Variants in FAM193A observed in about 807,000 individuals in gnomAD.
FAM193A encodes the protein family with sequence similarity 193 member A, also known as protein FAM193A.
FAM193A carries 22 observed loss-of-function variants against 126.5 expected under a neutral mutation model. The ratio of observed to expected loss-of-function variants is 0.17; its 90% CI spans 0.12 to 0.25. The LOEUF is 0.25. FAM193A is among the 10% of genes least tolerant of loss of function. The pLI, the probability that FAM193A is intolerant of heterozygous loss-of-function variation, is 1.00. For synonymous variants in FAM193A, 761 were observed against 646.8 expected (o/e 1.18, Z -2.68); for missense variants, 1,675 against 1,672.8 (o/e 1.00, Z -0.02).
At chr4:2,640,645 A>C (rs980394761) in intron 6 of FAM193A, among the ~76,000 whole-genome samples, 1 of 152,182 alleles carries the variant, frequency 6.6e-6, no homozygotes, top group African/African-American at 2.4e-5. Flanking sequence ...ACCCATCGTG[A>C]CAGCAGCCAT....
intron 19 of FAM193A, among the ~76,000 whole-genome samples, chr4:2,711,143 C>T (rs538228918): frequency 1.9e-4 from 29 of 152,238 alleles, no homozygotes; most frequent in Non-Finnish European, 3.5e-4. Flanking sequence ...TGAGCCACCA[C>T]GCCCGGCCAC....
chr4:2,574,296 C>T (rs114233240), intron 1 of FAM193A, among the ~76,000 whole-genome samples: 4,316 of 152,142 alleles, frequency 0.028, 225 homozygotes, highest in African/African-American at 0.098. Context: ...CAGGTAGAGA[C>T]TGAGAGGGCC....
At chr4:2,583,349 T>G (rs1281826754) in intron 1 of FAM193A, among the ~76,000 whole-genome samples, 1 of 152,212 alleles carries the variant, frequency 6.6e-6, no homozygotes, top group Admixed American at 6.5e-5. Flanking sequence ...GCCTTTTCCC[T>G]GGCTATAATT....
Position 2,699,719 on chromosome 4 carries a change from C to T in FAM193A, c.3547C>T (p.Arg1183Trp). Reference sequence around the variant, plus strand: ...TCGCCTAGAAGCAGAGGCCAGGGCCCGGGAGCACCTGCACCTCCAGGAGGA... The same window carrying T: ...TCGCCTAGAAGCAGAGGCCAGGGCCTGGGAGCACCTGCACCTCCAGGAGGA... Reference protein sequence around the residue: ...KARLEAEARAREHLHLQEEQR... With the variant: ...KARLEAEARAWEHLHLQEEQR... The change falls in exon 19 of 21, where the codon CGG (arginine) becomes TGG (tryptophan). Residue 1183 changes from arginine to tryptophan, a missense_variant. Coordinates refer to ENST00000637812, the MANE Select transcript of FAM193A (RefSeq NM_001366318.2). The T allele has an allele frequency of 4.3e-6, 7 of 1,613,342 alleles. No homozygotes were observed. Among genetic ancestry groups the T allele is most frequent in the Non-Finnish European group, 5.9e-6 (7 of 1,179,798 alleles).
At chr4:2,619,174 T>A (rs188344671) in intron 2 of FAM193A, among the ~76,000 whole-genome samples, 10 of 152,374 alleles carry the variant, frequency 6.6e-5, no homozygotes, top group Admixed American at 3.9e-4. Flanking sequence ...TATTGACATC[T>A]TCAGTTTCTC....
chr4:2,641,483 G>A (rs1011500613), intron 6 of FAM193A, among the ~76,000 whole-genome samples: 4 of 151,912 alleles, frequency 2.6e-5, no homozygotes, highest in South Asian at 2.1e-4. Flanking sequence ...GTGAAACCTC[G>A]TCTCTACTAA....
intron 7 of FAM193A, among the ~76,000 whole-genome samples, chr4:2,647,294 C>A (rs1171765489): frequency 2.6e-5 from 4 of 152,008 alleles, no homozygotes; most frequent in Non-Finnish European, 5.9e-5. Context: ...TACAGGCATG[C>A]ACCAACCATG....
intron 6 of FAM193A, among the ~76,000 whole-genome samples, chr4:2,642,672 G>C (rs550072713): frequency 1.3e-5 from 2 of 151,362 alleles, no homozygotes; most frequent in Non-Finnish European, 2.9e-5. Context: ...AGTGAGTTCC[G>C]TCAGCCTGTC....
At chr4:2,587,449 T>C (rs1012265604) in intron 1 of FAM193A, among the ~76,000 whole-genome samples, 5 of 152,172 alleles carry the variant, frequency 3.3e-5, no homozygotes, top group African/African-American at 1.2e-4. Context: ...TCTCAGCTGC[T>C]CAGGAGTCTG....
At chr4:2,592,581 C>T (rs149167269) in intron 1 of FAM193A, among the ~76,000 whole-genome samples, 131 of 152,194 alleles carry the variant, frequency 8.6e-4, no homozygotes, top group African/African-American at 2.7e-3. Flanking sequence ...GAAGAATAAC[C>T]GCGGCAAGCT....
At chr4:2,596,921 A>G (rs1740898514) in intron 2 of FAM193A, among the ~76,000 whole-genome samples, 1 of 151,944 alleles carries the variant, frequency 6.6e-6, no homozygotes, top group African/African-American at 2.4e-5. Context: ...GTGCCCTTTG[A>G]TTTCTGCTTG....
At position 2,690,692 on chromosome 4, in the gene FAM193A, T is replaced by A; in HGVS notation, c.2531-6T>A. On this transcript the variant is annotated splice_polypyrimidine_tract_variant and splice_region_variant and intron_variant, in intron 14 of 20. Transcript: ENST00000637812. ...GAAGCCTTAATTTTCCTGTTCTTCTTTGAAGGGAGTGAAATATTAGGGCCA... is the reference window on the plus strand; with the variant it reads ...GAAGCCTTAATTTTCCTGTTCTTCTATGAAGGGAGTGAAATATTAGGGCCA... 6.2e-7 allele frequency: 1 copy of A among 1,607,128 alleles called. No homozygotes were observed. The highest frequency in any genetic ancestry group is 2.2e-5 in the East Asian group (1 of 44,836).
At chr4:2,568,907 G>C (rs1391908897) in intron 1 of FAM193A, among the ~76,000 whole-genome samples, 2 of 150,154 alleles carry the variant, frequency 1.3e-5, no homozygotes, top group African/African-American at 4.9e-5. Context: ...AAAGACTTTA[G>C]ATCATTCTGG....
intron 2 of FAM193A, among the ~76,000 whole-genome samples, chr4:2,599,492 T>C (rs1468929680): frequency 6.6e-6 from 1 of 152,228 alleles, no homozygotes; most frequent in Non-Finnish European, 1.5e-5. Context: ...GCTGAATTGC[T>C]GTCTTCTAGA....
chr4:2,537,652 G>T (rs983429038), intron 1 of FAM193A, among the ~76,000 whole-genome samples: 1 of 152,238 alleles, frequency 6.6e-6, no homozygotes, highest in African/African-American at 2.4e-5. Context: ...CGCTCCCAGG[G>T]CTTTGAAATG....
chr4:2,608,190 C>CT, intron 2 of FAM193A: 1 of 1,507,836 alleles, frequency 6.6e-7, no homozygotes, highest in South Asian at 1.2e-5. Context: ...CTTCATTTTT[C>CT]TTTTCTGTTT....
intron 20 of FAM193A, among the ~76,000 whole-genome samples, chr4:2,725,450 CAAAAAAAAAAA>C (rs71644355): frequency 9.8e-4 from 31 of 31,782 alleles, no homozygotes; most frequent in South Asian, 3.6e-3. Context: ...ACCCTGTCTC[CAAAAAAAAAAA>C]AAAAAAAAAA....
chr4:2,554,013 G>A (rs928542003), intron 1 of FAM193A, among the ~76,000 whole-genome samples: 1 of 152,086 alleles, frequency 6.6e-6, no homozygotes, highest in Non-Finnish European at 1.5e-5. Flanking sequence ...CCAGTCTTGG[G>A]TATGTCTTCA....
At chr4:2,671,068 C>T (rs1405567706) in intron 12 of FAM193A, among the ~76,000 whole-genome samples, 1 of 152,156 alleles carries the variant, frequency 6.6e-6, no homozygotes, top group Non-Finnish European at 1.5e-5. Context: ...TGCCCATGCA[C>T]CTTGAATCCA....
Sources: gnomAD v4.1 joint callset for allele counts (sites outside exome capture counted in the v4.1 genomes callset) on GRCh38, gnomAD v4.1.1 for gene constraint, MANE v1.5 for transcripts, NCBI Gene and HGNC (gene_info 2026-07-23, HGNC 2026-07-21) for gene names.